HS3ST3A1: variants seen among roughly 807,000 people sequenced by gnomAD.
HS3ST3A1 encodes the protein heparan sulfate-glucosamine 3-sulfotransferase 3A1.
A neutral mutation model predicts 25.7 loss-of-function variants in HS3ST3A1; 19 were observed. The observed-to-expected ratio is 0.74, with a 90% CI of 0.52 to 1.08. The LOEUF (loss-of-function observed/expected upper bound fraction) is 1.08. HS3ST3A1 is among the 50% of genes least tolerant of loss of function. HS3ST3A1 has a pLI of 0.00. For synonymous variants in HS3ST3A1, 226 were observed against 278.6 expected (o/e 0.81, Z 1.88); for missense variants, 459 against 594.3 (o/e 0.77, Z 2.37).
At chr17:13,498,619 A>C (rs1356998448) in intron 1 of HS3ST3A1, among the ~76,000 whole-genome samples, 1 of 152,240 alleles carries the variant, frequency 6.6e-6, no homozygotes, top group African/African-American at 2.4e-5. Context: ...CCTAGAAGGA[A>C]GGAAGGCATG....
At chr17:13,564,451 C>T (rs1907626479) in intron 1 of HS3ST3A1, among the ~76,000 whole-genome samples, 1 of 152,148 alleles carries the variant, frequency 6.6e-6, no homozygotes, top group Non-Finnish European at 1.5e-5. Context: ...CATGGATGCT[C>T]AAGTTCCTTA....
At chr17:13,552,278 T>C (rs1480644110) in intron 1 of HS3ST3A1, among the ~76,000 whole-genome samples, 2 of 152,106 alleles carry the variant, frequency 1.3e-5, no homozygotes, top group African/African-American at 4.8e-5. Flanking sequence ...AGACAGGGTT[T>C]CACTATGTTG....
chr17:13,549,241 TC>T, intron 1 of HS3ST3A1, among the ~76,000 whole-genome samples: 1 of 152,254 alleles, frequency 6.6e-6, no homozygotes, highest in East Asian at 1.9e-4. Context: ...GCGGCTTCAC[TC>T]CTGAAATCAG....
At chr17:13,540,633 T>C (rs1454614135) in intron 1 of HS3ST3A1, among the ~76,000 whole-genome samples, 1 of 152,232 alleles carries the variant, frequency 6.6e-6, no homozygotes, top group Non-Finnish European at 1.5e-5. Flanking sequence ...TCAAAATATT[T>C]TTTCAAAACT....
intron 1 of HS3ST3A1, among the ~76,000 whole-genome samples, chr17:13,558,818 T>A (rs1047795169): frequency 3.9e-5 from 6 of 152,160 alleles, no homozygotes; most frequent in African/African-American, 1.4e-4. Context: ...TCTAAAAAAT[T>A]GTCACAAAAA....
intron 1 of HS3ST3A1, among the ~76,000 whole-genome samples, chr17:13,589,526 C>T (rs1260432452): frequency 6.6e-6 from 1 of 152,130 alleles, no homozygotes; most frequent in Non-Finnish European, 1.5e-5. Flanking sequence ...CCAAAAGCCT[C>T]CTACACCAAG....
intron 1 of HS3ST3A1, among the ~76,000 whole-genome samples, chr17:13,559,444 AT>A (rs1247154505): frequency 6.6e-6 from 1 of 151,030 alleles, no homozygotes; most frequent in African/African-American, 2.4e-5. Context: ...ACATGTGAAT[AT>A]ATATTCAATT....
chr17:13,556,801 G>A (rs1907389762), intron 1 of HS3ST3A1, among the ~76,000 whole-genome samples: 1 of 148,390 alleles, frequency 6.7e-6, no homozygotes, highest in Admixed American at 6.8e-5. Flanking sequence ...GCAGGGAGCA[G>A]AGATCGCGCC....
chr17:13,578,674 G>A (rs1289765036), intron 1 of HS3ST3A1, among the ~76,000 whole-genome samples: 3 of 151,978 alleles, frequency 2.0e-5, no homozygotes, highest in Admixed American at 2.0e-4. Flanking sequence ...CCAGTGTTCA[G>A]TACAGTGCTT....
At position 13,569,201 on chromosome 17, in the gene HS3ST3A1, A is replaced by G. The variant is rs556922575; in HGVS notation, c.599+31330T>C. Among the ~76,000 whole-genome samples, 58 of 152,324 alleles carry G rather than the reference A, an allele frequency of 3.8e-4. 1 individual carries two copies. In the South Asian group the frequency reaches 0.012, roughly 32 times the overall value. On this transcript the variant is annotated intron_variant, in intron 1 of 1. Coordinates refer to ENST00000284110, the MANE Select transcript of HS3ST3A1 (RefSeq NM_006042.3). Reference sequence around the variant, plus strand: ...CTCCTGTTTATTGTCTGTGGGCTACAGCAGCCTCAGCCCCCACTTACTGCC... The same window carrying G: ...CTCCTGTTTATTGTCTGTGGGCTACGGCAGCCTCAGCCCCCACTTACTGCC...
chr17:13,505,055 T>C (rs1905614716), intron 1 of HS3ST3A1, among the ~76,000 whole-genome samples: 1 of 152,226 alleles, frequency 6.6e-6, no homozygotes, highest in South Asian at 2.1e-4. Flanking sequence ...TCCCTAATTT[T>C]TCTGACAAGG....
At chr17:13,497,490 CT>C (rs1905323014) in intron 1 of HS3ST3A1, among the ~76,000 whole-genome samples, 1 of 152,190 alleles carries the variant, frequency 6.6e-6, no homozygotes, top group Non-Finnish European at 1.5e-5. Context: ...TAAATTCTGA[CT>C]TTCTGTTGTT....
chr17:13,600,401 T>C lies in HS3ST3A1; in HGVS notation c.599+130A>G, dbSNP rs1045099767. On this transcript the variant is annotated intron_variant, in intron 1 of 1. Transcript: ENST00000284110. ...GAAGGCGGAGAGGGAAGAAAGACCC[T>C]TGACGACCCTTCGCCTTCTGCATGA... The C allele has an allele frequency of 2.1e-4, 299 of 1,396,598 alleles. 1 individual carries two copies. The highest frequency in any genetic ancestry group is 2.6e-4 in the Non-Finnish European group (276 of 1,078,434). The allele number at this position is 1,396,598 out of a possible 1,614,324, so 86.5% of individuals were successfully genotyped here.
intron 1 of HS3ST3A1, among the ~76,000 whole-genome samples, chr17:13,553,293 G>A (rs1907289790): frequency 6.6e-6 from 1 of 152,206 alleles, no homozygotes; most frequent in Non-Finnish European, 1.5e-5. Flanking sequence ...AGCAGGTGCA[G>A]CATTGGGGTT....
chr17:13,509,563 G>A (rs751440862), intron 1 of HS3ST3A1, among the ~76,000 whole-genome samples: 8 of 152,062 alleles, frequency 5.3e-5, no homozygotes, highest in Non-Finnish European at 7.4e-5. Context: ...CAAGCCCTTA[G>A]AAGTGTGTGT....
At chr17:13,497,992 A>C (rs986546934) in intron 1 of HS3ST3A1, among the ~76,000 whole-genome samples, 3 of 152,206 alleles carry the variant, frequency 2.0e-5, no homozygotes, top group Admixed American at 6.5e-5. Flanking sequence ...TGGGCTAACT[A>C]TATTTTGTGA....
intron 1 of HS3ST3A1, among the ~76,000 whole-genome samples, chr17:13,563,174 GA>G (rs1484570665): frequency 2.6e-5 from 4 of 151,622 alleles, no homozygotes; most frequent in Non-Finnish European, 4.4e-5. Flanking sequence ...ACCCCATTTG[GA>G]AAAAGGGACA....
chr17:13,567,997 G>A (rs868437179), intron 1 of HS3ST3A1, among the ~76,000 whole-genome samples: 8 of 152,296 alleles, frequency 5.3e-5, no homozygotes, highest in Admixed American at 3.9e-4. Flanking sequence ...CAGCAGCATC[G>A]CATGCTGCAG....
At chr17:13,549,145 G>A (rs755098596) in intron 1 of HS3ST3A1, among the ~76,000 whole-genome samples, 6 of 152,188 alleles carry the variant, frequency 3.9e-5, no homozygotes, top group Non-Finnish European at 8.8e-5. Flanking sequence ...CATTCCTGAA[G>A]TCAGCAAGAT....
Sources: gnomAD v4.1 joint callset for allele counts (sites outside exome capture counted in the v4.1 genomes callset) on GRCh38, gnomAD v4.1.1 for gene constraint, MANE v1.5 for transcripts, NCBI Gene and HGNC (gene_info 2026-07-23, HGNC 2026-07-21) for gene names.